ADGB: variants seen among roughly 807,000 people sequenced by gnomAD.
The protein encoded by ADGB is calpain-7-like protein.
A neutral mutation model predicts 210.5 loss-of-function variants in ADGB; 172 were observed. The ratio of observed to expected loss-of-function variants is 0.82; its 90% CI spans 0.72 to 0.93. The LOEUF is 0.93. ADGB is among the 40% of genes least tolerant of loss of function. ADGB has a pLI of 0.00. For missense variants in ADGB, 2,025 were observed against 1,964.8 expected, an observed-to-expected ratio of 1.03 and a Z score of -0.58; for synonymous variants, 658 against 662.7, an observed-to-expected ratio of 0.99 and a Z score of 0.11.
At chr6:146,603,527 A>C (rs1052512088) in intron 1 of ADGB, among the ~76,000 whole-genome samples, 1 of 152,228 alleles carries the variant, frequency 6.6e-6, no homozygotes, top group African/African-American at 2.4e-5. Context: ...CACTTCCAAA[A>C]GGACATTCAA....
At position 146,692,877 on chromosome 6, in the gene ADGB, G is replaced by C. The variant is rs756316423; in HGVS notation, c.1539G>C (p.Leu513Phe). 2 of 1,538,642 alleles carry C rather than the reference G, an allele frequency of 1.3e-6. No individual in the cohort carries two copies. The highest frequency in any genetic ancestry group is 1.4e-5 in the African/African-American group (1 of 72,636). ...TCCTTGAGATTTCAAGTCCATTTTTGAATTATAGAATGACTCCATTTACAA... is the reference window on the plus strand; with the variant it reads ...TCCTTGAGATTTCAAGTCCATTTTTCAATTATAGAATGACTCCATTTACAA... ...ERFLEISSPF[L>F]NYRMTPFTIP... Residue 513 changes from leucine (L) to phenylalanine (F), a missense_variant, in exon 12 of 36, where the codon TTG becomes TTC. Transcript: ENST00000397944.
At chr6:146,738,052 T>C (rs1407073530) in intron 23 of ADGB, among the ~76,000 whole-genome samples, 1 of 152,218 alleles carries the variant, frequency 6.6e-6, no homozygotes, top group East Asian at 1.9e-4. Context: ...ACACGTAATT[T>C]GACACAAGAC....
At position 146,800,151 on chromosome 6, in the gene ADGB, T is replaced by G. The variant is rs1177232729; in HGVS notation, c.4538-1032T>G. On this transcript the variant is annotated intron_variant, in intron 33 of 35. Transcript: ENST00000397944. ...ATAAACTTTTTTCTTTTTTTTTAAA[T>G]GAACCAAGCAGGGAGATTTTTACTA... Among the ~76,000 whole-genome samples, 3 of 151,814 alleles carry G rather than the reference T, an allele frequency of 2.0e-5. No individual in the cohort carries two copies. In the South Asian group the frequency reaches 6.3e-4, roughly 32 times the overall value.
chr6:146,716,351 G>T (rs1776733559), intron 14 of ADGB, among the ~76,000 whole-genome samples: 1 of 128,480 alleles, frequency 7.8e-6, no homozygotes, highest in Non-Finnish European at 1.5e-5. Flanking sequence ...CAGCACTTTG[G>T]GAGGCCGAGG....
rs150132912 is a variant in ADGB at position 146,666,286 on chromosome 6, G to A, written c.753-530G>A. On this transcript the variant is annotated intron_variant, in intron 6 of 35. Transcript: ENST00000397944. ...GTGATACTTGGTTAATCATATCCTC[G>A]TTTTACTTTATGCTAAGCTGACAGA... 5.7e-4 allele frequency among the ~76,000 whole-genome samples: 86 copies of A among 152,068 alleles called. No individual in the cohort carries two copies. The East Asian group carries it at 0.014, about 25-fold the overall frequency.
chr6:146,726,125 C>T lies in ADGB; in HGVS notation c.2280C>T (p.His760=). The T allele has an allele frequency of 6.5e-7, 1 of 1,549,712 alleles. No individual in the cohort carries two copies. ...TCAACGCATACTCCCCAGTAGGACA[C>T]TCCATACACATCTGCAGCATGGTGT... ...LLFNAYSPVG[H]SIHICSMVSF... is the part of the protein sequence containing the mutation. Residue 760 remains histidine (H), a synonymous_variant, in exon 19 of 36, where the codon CAC becomes CAT. Coordinates refer to ENST00000397944, the MANE Select transcript of ADGB (RefSeq NM_024694.4).
At chr6:146,624,744 TA>T in intron 1 of ADGB, among the ~76,000 whole-genome samples, 2 of 152,112 alleles carry the variant, frequency 1.3e-5, no homozygotes, top group Admixed American at 1.3e-4. Context: ...TATGTTACTG[TA>T]GTGGCATTCC....
chr6:146,599,589 A>T (rs1326956081), intron 1 of ADGB, among the ~76,000 whole-genome samples: 2 of 152,232 alleles, frequency 1.3e-5, no homozygotes, highest in African/African-American at 4.8e-5. Context: ...TTAATCAGAT[A>T]TAGTCAGACG....
intron 26 of ADGB, among the ~76,000 whole-genome samples, chr6:146,748,727 C>A (rs1583620652): frequency 6.6e-6 from 1 of 152,200 alleles, no homozygotes; most frequent in South Asian, 2.1e-4. Context: ...GGGCACATGC[C>A]ACCATGCCCA....
chr6:146,748,497 T>C (rs1583620504), intron 26 of ADGB, among the ~76,000 whole-genome samples: 1 of 152,206 alleles, frequency 6.6e-6, no homozygotes, highest in South Asian at 2.1e-4. Flanking sequence ...GGTTTGCTGG[T>C]AATCTTTGGT....
chr6:146,664,405 G>A, intron 6 of ADGB, 65 bp downstream of exon 6: 1 of 1,407,386 alleles, frequency 7.1e-7, no homozygotes, highest in Non-Finnish European at 9.4e-7. Context: ...CTATACATTT[G>A]TATTGCATAA....
chr6:146,678,343 C>T (rs1776111245), intron 9 of ADGB, among the ~76,000 whole-genome samples: 1 of 152,180 alleles, frequency 6.6e-6, no homozygotes, highest in Non-Finnish European at 1.5e-5. Context: ...TCTTGTGCCT[C>T]AACCTCCCAA....
At chr6:146,712,918 C>T (rs1276213870) in intron 13 of ADGB, among the ~76,000 whole-genome samples, 3 of 152,094 alleles carry the variant, frequency 2.0e-5, no homozygotes, top group East Asian at 1.9e-4. Flanking sequence ...TTCTCCCCTC[C>T]CCCCAGCCCA....
intron 1 of ADGB, among the ~76,000 whole-genome samples, chr6:146,619,940 G>T (rs888245563): frequency 1.3e-5 from 2 of 151,960 alleles, no homozygotes; most frequent in Non-Finnish European, 2.9e-5. Flanking sequence ...CTCTCTTTTG[G>T]TATTTCGTGT....
chr6:146,777,429 T>A (rs1184337889), intron 29 of ADGB, among the ~76,000 whole-genome samples: 2 of 152,156 alleles, frequency 1.3e-5, no homozygotes, highest in African/African-American at 2.4e-5. Context: ...TAAAAAAGCA[T>A]AAAGCTCATG....
At chr6:146,777,804 A>C (rs1280233279) in intron 29 of ADGB, among the ~76,000 whole-genome samples, 7 of 152,216 alleles carry the variant, frequency 4.6e-5, no homozygotes, top group African/African-American at 1.7e-4. Flanking sequence ...TTCTCAAAGT[A>C]CAACCTACAG....
At chr6:146,604,311 C>G (rs935808450) in intron 1 of ADGB, among the ~76,000 whole-genome samples, 1 of 152,202 alleles carries the variant, frequency 6.6e-6, no homozygotes, top group Non-Finnish European at 1.5e-5. Flanking sequence ...ATGGCCCAGT[C>G]CTCTCCCAAG....
chr6:146,782,897 T>C (rs1252954130), intron 30 of ADGB, among the ~76,000 whole-genome samples: 3 of 152,108 alleles, frequency 2.0e-5, no homozygotes, highest in Non-Finnish European at 2.9e-5. Flanking sequence ...CTAAACAAGA[T>C]ACCTATGAGT....
chr6:146,721,674 C>T (rs1776816914), intron 17 of ADGB, among the ~76,000 whole-genome samples, 169 bp downstream of exon 17: 2 of 143,024 alleles, frequency 1.4e-5, no homozygotes, highest in Middle Eastern at 7.1e-3. Flanking sequence ...CTTGTCTCTA[C>T]TAAAAATACC....
Sources: allele counts gnomAD v4.1 joint callset (sites outside exome capture counted in the v4.1 genomes callset), GRCh38; gene constraint gnomAD v4.1.1; transcripts MANE v1.5; gene names NCBI Gene and HGNC (gene_info 2026-07-23, HGNC 2026-07-21).